SUPT3H: variants seen among roughly 807,000 people sequenced by gnomAD.
The protein encoded by SUPT3H is transcription initiation protein SPT3 homolog.
A neutral mutation model predicts 44.3 loss-of-function variants in SUPT3H; 44 were observed. The ratio of observed to expected loss-of-function variants is 0.99; its 90% confidence interval spans 0.78 to 1.28. The LOEUF (loss-of-function observed/expected upper bound fraction) is 1.28. Ranked by LOEUF, SUPT3H falls within the 50% of genes most tolerant of loss-of-function variation. The probability of loss-of-function intolerance (pLI) is 0.00; values close to 1 mark genes in which losing one functional copy is unlikely to be tolerated. For synonymous variants in SUPT3H, 124 were observed against 125.6 expected, an observed-to-expected ratio of 0.99 and a Z score of 0.09; for missense variants, 380 against 387.1, an observed-to-expected ratio of 0.98 and a Z score of 0.15.
At chr6:44,979,389 G>A (rs9472415) in intron 6 of SUPT3H, among the ~76,000 whole-genome samples, 156 of 152,272 alleles carry the variant, frequency 1.0e-3, no homozygotes, top group African/African-American at 3.5e-3. Flanking sequence ...AAATTAGTAT[G>A]AGTCTTAGGC....
chr6:45,012,195 T>C (rs1783588191), intron 5 of SUPT3H, among the ~76,000 whole-genome samples: 1 of 151,936 alleles, frequency 6.6e-6, no homozygotes, highest in African/African-American at 2.4e-5. Context: ...ATTAGTAGAC[T>C]GGTAGTTTTC....
chr6:44,969,976 C>G (rs1250985047), intron 6 of SUPT3H, among the ~76,000 whole-genome samples: 1 of 152,062 alleles, frequency 6.6e-6, no homozygotes, highest in African/African-American at 2.4e-5. Flanking sequence ...TAATCCTCAG[C>G]AAGTACAAAG....
intron 6 of SUPT3H, among the ~76,000 whole-genome samples, chr6:44,996,280 GTAGA>G (rs561516586): frequency 3.4e-4 from 51 of 151,846 alleles, no homozygotes; most frequent in African/African-American, 1.2e-3. Flanking sequence ...ATACCAGTAA[GTAGA>G]TACTTTATAT....
chr6:45,326,544 C>A (rs1786375203), intron 2 of SUPT3H, among the ~76,000 whole-genome samples: 2 of 151,806 alleles, frequency 1.3e-5, no homozygotes. Flanking sequence ...CATGATAAAT[C>A]CATAGTTAAA....
intron 2 of SUPT3H, among the ~76,000 whole-genome samples, chr6:45,327,437 A>G (rs1378908233): frequency 6.6e-6 from 1 of 151,994 alleles, no homozygotes; most frequent in East Asian, 1.9e-4. Flanking sequence ...AACTGAATAC[A>G]CTTCAATGAA....
At chr6:45,288,629 A>ATT (rs376454901) in intron 2 of SUPT3H, among the ~76,000 whole-genome samples, 3 of 116,582 alleles carry the variant, frequency 2.6e-5, no homozygotes, top group African/African-American at 3.4e-5. Context: ...ATATATATAT[A>ATT]TATATAGCAA....
intron 5 of SUPT3H, among the ~76,000 whole-genome samples, chr6:45,014,056 A>T (rs1031455249): frequency 1.3e-5 from 2 of 152,082 alleles, no homozygotes; most frequent in Non-Finnish European, 2.9e-5. Context: ...TTCACTGGGG[A>T]GAGACTCTGC....
intron 2 of SUPT3H, among the ~76,000 whole-genome samples, chr6:45,331,892 G>C (rs1158018034): frequency 6.6e-6 from 1 of 151,904 alleles, no homozygotes; most frequent in Non-Finnish European, 1.5e-5. Context: ...TCATGCTAAA[G>C]TTAAATTCGG....
At chr6:45,320,466 A>G (rs1785314782) in intron 2 of SUPT3H, among the ~76,000 whole-genome samples, 1 of 149,398 alleles carries the variant, frequency 6.7e-6, no homozygotes, top group Non-Finnish European at 1.5e-5. Flanking sequence ...TCTGGTAGAC[A>G]TGGGGTCTCA....
intron 2 of SUPT3H, among the ~76,000 whole-genome samples, chr6:45,351,835 T>C (rs1473401898): frequency 6.6e-6 from 1 of 152,204 alleles, no homozygotes; most frequent in Admixed American, 6.5e-5. Flanking sequence ...CCCAGCCCTA[T>C]GCCCAGCTGC....
intron 7 of SUPT3H, among the ~76,000 whole-genome samples, chr6:44,956,655 CT>C (rs1184730204): frequency 1.3e-5 from 2 of 152,098 alleles, no homozygotes; most frequent in Non-Finnish European, 1.5e-5. Context: ...ACCATCCAGA[CT>C]GATTCCAAGC....
At chr6:44,975,561 G>A (rs1778207421) in intron 6 of SUPT3H, among the ~76,000 whole-genome samples, 1 of 147,862 alleles carries the variant, frequency 6.8e-6, no homozygotes, top group African/African-American at 2.5e-5. Context: ...ATGATATAAG[G>A]AACTTTGGAG....
At chr6:45,091,094 T>G (rs145836400) in intron 3 of SUPT3H, among the ~76,000 whole-genome samples, 28 of 152,074 alleles carry the variant, frequency 1.8e-4, no homozygotes, top group African/African-American at 6.5e-4. Context: ...TGAATTACCT[T>G]TGTCCAGTGG....
At chr6:45,313,266 A>C (rs962577862) in intron 2 of SUPT3H, among the ~76,000 whole-genome samples, 1 of 152,150 alleles carries the variant, frequency 6.6e-6, no homozygotes, top group Non-Finnish European at 1.5e-5. Flanking sequence ...CAAACCCAGT[A>C]GAAGAAAAAA....
chr6:44,953,104 A>C (rs1243650641), intron 9 of SUPT3H, among the ~76,000 whole-genome samples: 1 of 152,220 alleles, frequency 6.6e-6, no homozygotes, highest in Non-Finnish European at 1.5e-5. Context: ...AAAAACGTGA[A>C]AAAAGTCATT....
At chr6:45,024,454 T>C (rs1185483439) in intron 3 of SUPT3H, among the ~76,000 whole-genome samples, 1 of 152,212 alleles carries the variant, frequency 6.6e-6, no homozygotes, top group Non-Finnish European at 1.5e-5. Context: ...CTCCCTTAAA[T>C]ATAATGTCTG....
At chr6:45,239,741 T>C (rs1342069461) in intron 2 of SUPT3H, among the ~76,000 whole-genome samples, 1 of 152,162 alleles carries the variant, frequency 6.6e-6, no homozygotes, top group Non-Finnish European at 1.5e-5. Context: ...CTAGCAAAGC[T>C]CTAGCTACAT....
At chr6:45,162,608 T>G (rs1193615315) in intron 2 of SUPT3H, among the ~76,000 whole-genome samples, 3 of 152,170 alleles carry the variant, frequency 2.0e-5, no homozygotes, top group Non-Finnish European at 4.4e-5. Flanking sequence ...TAAGGCCATG[T>G]GCTAACAGCT....
intron 2 of SUPT3H, among the ~76,000 whole-genome samples, chr6:45,114,951 T>C (rs2153576326): frequency 6.6e-6 from 1 of 152,280 alleles, no homozygotes; most frequent in East Asian, 1.9e-4. Flanking sequence ...CATCCAGAAC[T>C]CATTGTACAA....
Sources: gnomAD v4.1 joint callset for allele counts (sites outside exome capture counted in the v4.1 genomes callset) on GRCh38, gnomAD v4.1.1 for gene constraint, MANE v1.5 for transcripts, NCBI Gene and HGNC (gene_info 2026-07-23, HGNC 2026-07-21) for gene names.